PALM2AKAP2: variants seen among roughly 807,000 people sequenced by gnomAD.
The protein encoded by PALM2AKAP2 is PALM2-AKAP2 fusion protein.
A neutral mutation model predicts 71.5 loss-of-function variants in PALM2AKAP2; 37 were observed. The observed-to-expected ratio is 0.52, with a 90% CI of 0.40 to 0.68. The LOEUF is 0.68. PALM2AKAP2 is among the 30% of genes least tolerant of loss of function. The probability of loss-of-function intolerance (pLI) is 0.00; values close to 1 mark genes in which losing one functional copy is unlikely to be tolerated. For missense variants in PALM2AKAP2, 1,224 were observed against 1,191.8 expected (o/e 1.03, Z -0.40); for synonymous variants, 468 against 478.8 (o/e 0.98, Z 0.29).
chr9:109,919,743 G>A (rs891471247), intron 3 of PALM2AKAP2, among the ~76,000 whole-genome samples: 157 of 148,550 alleles, frequency 1.1e-3, no homozygotes, highest in African/African-American at 3.5e-3. Flanking sequence ...ATATGTGTGT[G>A]TGTGTGTGTG....
At chr9:110,103,361 G>A (rs1425256152) in intron 1 of PALM2AKAP2, among the ~76,000 whole-genome samples, 1 of 152,216 alleles carries the variant, frequency 6.6e-6, no homozygotes, top group Non-Finnish European at 1.5e-5. Context: ...CAGATCTCAA[G>A]CTCATAGTCA....
intron 1 of PALM2AKAP2, among the ~76,000 whole-genome samples, chr9:109,704,284 C>A (rs1828108107): frequency 6.6e-6 from 1 of 152,206 alleles, no homozygotes; most frequent in Non-Finnish European, 1.5e-5. Flanking sequence ...TTCCAAATTT[C>A]CCCCCTTTTT....
At chr9:109,782,278 C>T (rs1826825971) in intron 1 of PALM2AKAP2, among the ~76,000 whole-genome samples, 1 of 152,190 alleles carries the variant, frequency 6.6e-6, no homozygotes, top group Non-Finnish European at 1.5e-5. Context: ...CAAATACTCA[C>T]TTGTGCCTCT....
chr9:109,803,251 T>A (rs1446091646), intron 1 of PALM2AKAP2, among the ~76,000 whole-genome samples: 1 of 152,250 alleles, frequency 6.6e-6, no homozygotes, highest in African/African-American at 2.4e-5. Context: ...ATTATTGGTT[T>A]AGTAATTTTT....
At chr9:110,016,462 G>T (rs1263674667) in intron 7 of PALM2AKAP2, among the ~76,000 whole-genome samples, 1 of 152,184 alleles carries the variant, frequency 6.6e-6, no homozygotes, top group Non-Finnish European at 1.5e-5. Flanking sequence ...GGTCAGAGAG[G>T]CATAAAGTAG....
Position 109,796,915 on chromosome 9 carries a change from A to G in PALM2AKAP2, c.45+16382A>G, listed in dbSNP as rs146998982. 2.7e-3 allele frequency among the ~76,000 whole-genome samples: 418 copies of G among 152,264 alleles called. 3 individuals carry two copies. Among genetic ancestry groups the G allele is most frequent in the African/African-American group, 9.7e-3 (401 of 41,540 alleles). ...AAACCATATCATATAGGTACTAATG[A>G]TCTACCTGGGGCTTGTGCTTACATT... is the stretch of plus-strand genomic sequence containing the variant. On this transcript the variant is annotated intron_variant, in intron 1 of 9. Transcript: ENST00000302798.
chr9:110,065,861 C>T (rs1164621721), intron 1 of PALM2AKAP2, among the ~76,000 whole-genome samples: 1 of 152,134 alleles, frequency 6.6e-6, no homozygotes, highest in Admixed American at 6.5e-5. Context: ...AATGTTTATC[C>T]ATGTTATAGC....
chr9:109,898,862 C>T (rs549081210), intron 3 of PALM2AKAP2, among the ~76,000 whole-genome samples: 1 of 152,334 alleles, frequency 6.6e-6, no homozygotes, highest in Non-Finnish European at 1.5e-5. Context: ...TCTAAATCCT[C>T]ACTTTCATCA....
chr9:110,022,216 T>G (rs562699707), intron 7 of PALM2AKAP2, among the ~76,000 whole-genome samples: 1 of 152,344 alleles, frequency 6.6e-6, no homozygotes, highest in South Asian at 2.1e-4. Flanking sequence ...ACTTGTAGCC[T>G]GGATACTGTA....
At chr9:109,843,033 A>T (rs200119951) in intron 1 of PALM2AKAP2, among the ~76,000 whole-genome samples, 1 of 150,008 alleles carries the variant, frequency 6.7e-6, no homozygotes, top group East Asian at 2.0e-4. Flanking sequence ...CCAGCTACTC[A>T]GGAGGCTGAG....
intron 6 of PALM2AKAP2, among the ~76,000 whole-genome samples, chr9:109,975,387 T>C (rs114550717): frequency 7.1e-4 from 108 of 152,308 alleles, no homozygotes; most frequent in African/African-American, 2.5e-3. Context: ...TCCTCCACTT[T>C]TGTGTTCTAT....
At chr9:109,960,277 C>T (rs1251162346) in intron 6 of PALM2AKAP2, among the ~76,000 whole-genome samples, 2 of 152,202 alleles carry the variant, frequency 1.3e-5, no homozygotes, top group African/African-American at 2.4e-5. Context: ...ACCCACCTTT[C>T]GCTATCAGCC....
intron 1 of PALM2AKAP2, among the ~76,000 whole-genome samples, chr9:109,704,141 A>G (rs1828106561): frequency 6.6e-6 from 1 of 152,222 alleles, no homozygotes; most frequent in Admixed American, 6.5e-5. Flanking sequence ...GAGCAGAAAA[A>G]GCAGGTACTC....
intron 6 of PALM2AKAP2, among the ~76,000 whole-genome samples, chr9:109,939,312 C>G (rs1831305120): frequency 6.6e-6 from 1 of 152,160 alleles, no homozygotes; most frequent in South Asian, 2.1e-4. Context: ...GATTCTAGAA[C>G]AGGCAAAGAT....
intron 1 of PALM2AKAP2, among the ~76,000 whole-genome samples, chr9:109,737,488 G>C (rs1828654553): frequency 6.6e-6 from 1 of 152,214 alleles, no homozygotes; most frequent in South Asian, 2.1e-4. Flanking sequence ...CAAGTGAAAT[G>C]TTAGAGACAG....
chr9:110,130,959 C>G (rs1564321539), intron 1 of PALM2AKAP2, among the ~76,000 whole-genome samples: 1 of 152,162 alleles, frequency 6.6e-6, no homozygotes, highest in Non-Finnish European at 1.5e-5. Flanking sequence ...CTTAATTATG[C>G]CAATTAGCAA....
chr9:110,134,334 T>TA (rs1340079659), intron 1 of PALM2AKAP2, among the ~76,000 whole-genome samples: 1 of 151,412 alleles, frequency 6.6e-6, no homozygotes, highest in African/African-American at 2.4e-5. Context: ...TGGTCAAAAA[T>TA]AAAAAATAAA....
At chr9:110,013,645 T>A (rs1372097024) in intron 6 of PALM2AKAP2, among the ~76,000 whole-genome samples, 1 of 152,228 alleles carries the variant, frequency 6.6e-6, no homozygotes, top group Non-Finnish European at 1.5e-5. Flanking sequence ...GACAACTATT[T>A]GCACCATGAA....
intron 1 of PALM2AKAP2, among the ~76,000 whole-genome samples, chr9:109,701,168 C>A (rs1365768626): frequency 6.6e-6 from 1 of 152,110 alleles, no homozygotes; most frequent in African/African-American, 2.4e-5. Context: ...CTTGGGCATG[C>A]CAAGGTAATT....
Sources: allele counts gnomAD v4.1 joint callset (sites outside exome capture counted in the v4.1 genomes callset), GRCh38; gene constraint gnomAD v4.1.1; transcripts MANE v1.5; gene names NCBI Gene and HGNC (gene_info 2026-07-23, HGNC 2026-07-21).